Variants in ZBTB20 observed in about 807,000 individuals in gnomAD.
ZBTB20 encodes zinc finger and BTB domain containing 20, also known as zinc finger and BTB domain-containing protein 20.
A neutral mutation model predicts 56.9 loss-of-function variants in ZBTB20; 9 were observed. The ratio of observed to expected loss-of-function variants is 0.16; its 90% CI spans 0.10 to 0.28. The LOEUF (loss-of-function observed/expected upper bound fraction) is 0.28. ZBTB20 is among the 10% of genes least tolerant of loss of function. The probability of loss-of-function intolerance (pLI) is 1.00; values close to 1 mark genes in which losing one functional copy is unlikely to be tolerated. For missense variants in ZBTB20, 655 were observed against 1,003.0 expected, an observed-to-expected ratio of 0.65 and a Z score of 4.69; for synonymous variants, 417 against 420.7, an observed-to-expected ratio of 0.99 and a Z score of 0.11.
chr3:114,527,006 C>T (rs1199105314), intron 6 of ZBTB20, among the ~76,000 whole-genome samples: 4 of 151,958 alleles, frequency 2.6e-5, no homozygotes, highest in Admixed American at 1.3e-4. Context: ...TATCATTTTG[C>T]GTGAAAAATC....
At chr3:114,800,070 C>A (rs1055723050) in intron 5 of ZBTB20, among the ~76,000 whole-genome samples, 1 of 151,816 alleles carries the variant, frequency 6.6e-6, no homozygotes, top group Admixed American at 6.6e-5. Context: ...GGCATTCCAA[C>A]AATAGAAGGG....
At chr3:114,714,427 C>T (rs1274032520) in intron 5 of ZBTB20, among the ~76,000 whole-genome samples, 2 of 152,116 alleles carry the variant, frequency 1.3e-5, no homozygotes, top group African/African-American at 4.8e-5. Context: ...CCAGGTTACA[C>T]TAATTGAGCC....
At chr3:114,614,963 G>T (rs977470684) in intron 6 of ZBTB20, among the ~76,000 whole-genome samples, 1 of 152,138 alleles carries the variant, frequency 6.6e-6, no homozygotes, top group East Asian at 1.9e-4. Flanking sequence ...TCATCATGTT[G>T]GCTAGGCTGG....
At chr3:114,854,160 C>T (rs916766799) in intron 4 of ZBTB20, among the ~76,000 whole-genome samples, 1 of 152,100 alleles carries the variant, frequency 6.6e-6, no homozygotes, top group South Asian at 2.1e-4. Context: ...ATCTGTAAAA[C>T]AGGAATAGCA....
intron 6 of ZBTB20, among the ~76,000 whole-genome samples, chr3:114,572,377 A>G (rs141926177): frequency 9.1e-4 from 139 of 152,354 alleles, no homozygotes; most frequent in African/African-American, 3.1e-3. Flanking sequence ...TATTTCATAG[A>G]GACTTAAACT....
At chr3:114,808,126 A>G (rs996629556) in intron 4 of ZBTB20, among the ~76,000 whole-genome samples, 1 of 152,074 alleles carries the variant, frequency 6.6e-6, no homozygotes, top group African/African-American at 2.4e-5. Flanking sequence ...AATTGTATAA[A>G]TTGTATGTCT....
intron 4 of ZBTB20, among the ~76,000 whole-genome samples, chr3:114,887,192 C>G (rs556814047): frequency 1.3e-4 from 20 of 152,338 alleles, no homozygotes; most frequent in African/African-American, 4.6e-4. Flanking sequence ...TGACCCACCT[C>G]TTAAAGGCCC....
chr3:115,013,849 C>G (rs2079826756), intron 2 of ZBTB20, among the ~76,000 whole-genome samples: 1 of 151,318 alleles, frequency 6.6e-6, no homozygotes, highest in Non-Finnish European at 1.5e-5. Flanking sequence ...CTATGGAGAA[C>G]AGTTTGGAAG....
chr3:115,124,830 A>G (rs2108653461), intron 1 of ZBTB20, among the ~76,000 whole-genome samples: 1 of 152,196 alleles, frequency 6.6e-6, no homozygotes, highest in African/African-American at 2.4e-5. Context: ...ACAAAAATCA[A>G]CTCAAGTGAA....
chr3:115,138,608 T>C (rs1438793139), intron 1 of ZBTB20, among the ~76,000 whole-genome samples: 2 of 152,050 alleles, frequency 1.3e-5, no homozygotes, highest in Non-Finnish European at 2.9e-5. Flanking sequence ...TAATTTCCCA[T>C]GTGTTTTATA....
chr3:114,961,339 G>C (rs1391269208), intron 3 of ZBTB20, among the ~76,000 whole-genome samples: 1 of 152,022 alleles, frequency 6.6e-6, no homozygotes, highest in African/African-American at 2.4e-5. Context: ...TGTAGACCTT[G>C]CAAGACTTCT....
At chr3:114,885,214 T>G (rs1179818440) in intron 4 of ZBTB20, among the ~76,000 whole-genome samples, 1 of 152,192 alleles carries the variant, frequency 6.6e-6, no homozygotes, top group Non-Finnish European at 1.5e-5. Flanking sequence ...TTGCCACAGC[T>G]ACTCTAATAC....
chr3:114,419,398 T>C (rs2088912139), intron 7 of ZBTB20, among the ~76,000 whole-genome samples: 1 of 152,066 alleles, frequency 6.6e-6, no homozygotes, highest in Non-Finnish European at 1.5e-5. Flanking sequence ...ACAGGGAAGC[T>C]GATTTGAGAA....
chr3:115,042,904 GA>G (rs1393553549), intron 2 of ZBTB20, among the ~76,000 whole-genome samples: 1 of 152,184 alleles, frequency 6.6e-6, no homozygotes, highest in Non-Finnish European at 1.5e-5. Flanking sequence ...ATGCAAAGAA[GA>G]AAGGGGACTA....
chr3:114,875,415 C>G (rs769510542), intron 4 of ZBTB20, among the ~76,000 whole-genome samples: 1 of 152,082 alleles, frequency 6.6e-6, no homozygotes, highest in African/African-American at 2.4e-5. Flanking sequence ...TCCACAGACT[C>G]GTTATGGTTT....
intron 3 of ZBTB20, among the ~76,000 whole-genome samples, chr3:114,969,626 G>A (rs1010242661): frequency 2.0e-5 from 3 of 152,072 alleles, no homozygotes; most frequent in African/African-American, 7.2e-5. Flanking sequence ...ATATTTACTC[G>A]TTCCTTATCT....
intron 10 of ZBTB20, among the ~76,000 whole-genome samples, chr3:114,358,238 T>G (rs1243297342): frequency 2.6e-5 from 4 of 152,186 alleles, no homozygotes; most frequent in African/African-American, 4.8e-5. Flanking sequence ...CTGCCTTTCT[T>G]TCTATTTTCC....
chr3:114,526,350 C>G (rs1440260300), intron 6 of ZBTB20, among the ~76,000 whole-genome samples: 1 of 152,130 alleles, frequency 6.6e-6, no homozygotes, highest in Admixed American at 6.5e-5. Context: ...CTAGTGAGTT[C>G]TATATTTAAG....
At chr3:114,403,519 C>T (rs755112982) in intron 7 of ZBTB20, among the ~76,000 whole-genome samples, 10 of 151,880 alleles carry the variant, frequency 6.6e-5, no homozygotes, top group Non-Finnish European at 1.5e-4. Flanking sequence ...ATATCTGGAA[C>T]TCTAGAAACT....
Sources: allele counts gnomAD v4.1 joint callset (sites outside exome capture counted in the v4.1 genomes callset), GRCh38; gene constraint gnomAD v4.1.1; transcripts MANE v1.5; gene names NCBI Gene and HGNC (gene_info 2026-07-23, HGNC 2026-07-21).